The following SYT14 variants were observed in gnomAD, a reference collection of about 807,000 sequenced individuals.
SYT14 encodes synaptotagmin-14.
Under a neutral mutation model 74.2 loss-of-function variants are expected in SYT14, and 32 were observed. The observed-to-expected ratio is 0.43, with a 90% CI of 0.33 to 0.58. The LOEUF (loss-of-function observed/expected upper bound fraction) is 0.58, where lower values mean the gene tolerates loss of function less well. Ranked by LOEUF, SYT14 falls within the 20% of genes least tolerant of loss-of-function variation. The pLI is 0.05. For missense variants in SYT14, 791 were observed against 981.8 expected (o/e 0.81, Z 2.60); for synonymous variants, 298 against 337.7 (o/e 0.88, Z 1.29).
intron 2 of SYT14, among the ~76,000 whole-genome samples, chr1:210,008,668 G>C (rs1004285503): frequency 6.6e-6 from 1 of 152,226 alleles, no homozygotes; most frequent in Middle Eastern, 3.4e-3. Flanking sequence ...TGGCCTAAAT[G>C]AAGATTTTGA....
Position 209,977,189 on chromosome 1 carries a change from G to A in SYT14, c.-486+24433G>A, listed in dbSNP as rs200132402. Among the ~76,000 whole-genome samples, 14 of 152,244 alleles carry A rather than the reference G, an allele frequency of 9.2e-5. No individual in the cohort carries two copies. The East Asian group carries it at 1.2e-3, about 13-fold the overall frequency. On this transcript the variant is annotated intron_variant, in intron 2 of 9. Transcript: ENST00000637265. The stretch of plus-strand genomic sequence containing the variant: ...TGCCAGTCTGTGTCTTTTAATTGGA[G>A]CATTTAGCCCATTTACATTAAAGGT...
At chr1:209,945,938 A>G (rs1468770320) in intron 1 of SYT14, among the ~76,000 whole-genome samples, 2 of 151,408 alleles carry the variant, frequency 1.3e-5, no homozygotes, top group East Asian at 1.9e-4. Flanking sequence ...GCATGTGCTC[A>G]CCTTGTGTCT....
exon 10 of SYT14, chr1:210,165,259 T>C (rs1421638819): frequency 6.6e-6 from 1 of 152,038 alleles, no homozygotes; most frequent in Non-Finnish European, 1.5e-5. Context: ...ATTATATTTA[T>C]CAATAATCCC....
exon 4 of SYT14, chr1:210,015,803 C>G: frequency 6.2e-5 from 60 of 965,830 alleles, no homozygotes; most frequent in East Asian, 8.7e-5. Flanking sequence ...TTTTTTTTTT[C>G]CGGAAGAATC....
chr1:210,021,247 A>C, exon 5 of SYT14: 1 of 1,613,716 alleles, frequency 6.2e-7, no homozygotes, highest in Admixed American at 1.7e-5. Context: ...AAGCATCAAT[A>C]GATGAAGGTA....
At chr1:210,100,502 A>G (rs2082044482) in intron 7 of SYT14, 41 bp downstream of exon 6, 3 of 1,585,136 alleles carry the variant, frequency 1.9e-6, no homozygotes, top group Non-Finnish European at 2.6e-6. Context: ...GTTTATGTTC[A>G]TGGTTTATAG....
chr1:210,017,410 C>G (rs761685888), intron 4 of SYT14, among the ~76,000 whole-genome samples: 1 of 151,926 alleles, frequency 6.6e-6, no homozygotes, highest in Non-Finnish European at 1.5e-5. Context: ...GTTTTCTTAC[C>G]TGCTTTATTT....
chr1:210,028,119 G>A (rs1372614757), intron 5 of SYT14, among the ~76,000 whole-genome samples: 1 of 151,992 alleles, frequency 6.6e-6, no homozygotes, highest in Non-Finnish European at 1.5e-5. Flanking sequence ...CTATGAACTT[G>A]ACTACTCTGG....
At chr1:210,091,307 A>G (rs1412103175) in intron 5 of SYT14, among the ~76,000 whole-genome samples, 1 of 152,198 alleles carries the variant, frequency 6.6e-6, no homozygotes, top group Non-Finnish European at 1.5e-5. Context: ...AACCAAAATT[A>G]TACTGTGCTG....
At chr1:209,938,333 GC>G in intron 1 of SYT14, 56 bp downstream of exon 1, 1 of 1,515,034 alleles carries the variant, frequency 6.6e-7, no homozygotes, top group Non-Finnish European at 8.9e-7. Context: ...CTGGCGGGGG[GC>G]TCGGAGGTGC....
intron 2 of SYT14, among the ~76,000 whole-genome samples, chr1:209,973,321 A>C (rs2102761815): frequency 6.6e-6 from 1 of 152,220 alleles, no homozygotes; most frequent in African/African-American, 2.4e-5. Context: ...TTAACTCGTC[A>C]TTTAACATTA....
rs35639848 is a variant in SYT14 at position 209,970,662 on chromosome 1, CTTTTTTTTTTTTTTTTTTT to C, written c.-486+17927_-486+17945del. Among the ~76,000 whole-genome samples, 54 of 62,806 alleles carry C rather than the reference CTTTTTTTTTTTTTTTTTTT, an allele frequency of 8.6e-4. 1 individual carries two copies. Among genetic ancestry groups the C allele is most frequent in the African/African-American group, 2.8e-3 (43 of 15,148 alleles). The allele number at this position is 62,806 out of a possible 152,430, so 41.2% of individuals were successfully genotyped here. A position where few individuals can be genotyped will look rare whatever the true frequency, so the allele number is the denominator to read the frequency against. On this transcript the variant is annotated intron_variant, in intron 2 of 9. Coordinates refer to ENST00000637265, the Ensembl canonical transcript of SYT14. ...TTACAGATTGCTTTGGGCAGTATGG[CTTTTTTTTTTTTTTTTTTT>C]TTTTTTTTTTTTTTTTTTTTGAGGC...
chr1:210,082,714 G>A (rs867773529), intron 5 of SYT14, among the ~76,000 whole-genome samples: 5 of 152,204 alleles, frequency 3.3e-5, no homozygotes, highest in Admixed American at 6.5e-5. Context: ...GGACAGGTTG[G>A]ACCACATTGC....
At chr1:210,153,250 A>T (rs2083203348) in intron 7 of SYT14, among the ~76,000 whole-genome samples, 1 of 152,164 alleles carries the variant, frequency 6.6e-6, no homozygotes, top group Non-Finnish European at 1.5e-5. Flanking sequence ...CACATTTGGT[A>T]TTCTTTTAGC....
At chr1:210,043,748 G>C (rs192458433) in intron 5 of SYT14, among the ~76,000 whole-genome samples, 12 of 152,268 alleles carry the variant, frequency 7.9e-5, no homozygotes, top group Admixed American at 2.0e-4. Context: ...ACTCACATAG[G>C]ATATGAAGTT....
At chr1:210,093,363 GA>G (rs200928231) in intron 5 of SYT14, among the ~76,000 whole-genome samples, 5 of 149,908 alleles carry the variant, frequency 3.3e-5, no homozygotes, top group African/African-American at 1.2e-4. Context: ...TTCATTAAAA[GA>G]AAAAAAAAGA....
intron 5 of SYT14, among the ~76,000 whole-genome samples, chr1:210,076,681 T>C (rs570014078): frequency 6.6e-6 from 1 of 152,256 alleles, no homozygotes; most frequent in South Asian, 2.1e-4. Flanking sequence ...CTTAGAATCA[T>C]GGCAGAAGAA....
At chr1:210,054,042 A>G (rs376608700) in intron 5 of SYT14, among the ~76,000 whole-genome samples, 2 of 152,060 alleles carry the variant, frequency 1.3e-5, no homozygotes, top group Non-Finnish European at 2.9e-5. Context: ...TCATTGCTCT[A>G]TTGTCTTCTC....
Position 210,013,626 on chromosome 1 carries a change from T to C in SYT14, c.-485-7T>C, listed in dbSNP as rs1412400243. On this transcript the variant is annotated splice_region_variant and splice_polypyrimidine_tract_variant and intron_variant, in intron 2 of 9. Transcript: ENST00000637265. ...ATGCTTACAGCTGTGACTTTTTTTT[T>C]CTCTAGTATCTCCAGAGGCAGTTGG... The C allele has an allele frequency of 2.5e-6, 4 of 1,609,846 alleles. No individual in the cohort carries two copies. Among genetic ancestry groups the C allele is most frequent in the East Asian group, 2.2e-5 (1 of 44,784 alleles).
Sources: gnomAD v4.1 joint callset for allele counts (sites outside exome capture counted in the v4.1 genomes callset) on GRCh38, gnomAD v4.1.1 for gene constraint, MANE v1.5 for transcripts, NCBI Gene and HGNC (gene_info 2026-07-23, HGNC 2026-07-21) for gene names.